The following CLIP2 variants were observed in gnomAD, a reference collection of about 807,000 sequenced individuals.
The protein encoded by CLIP2 is CAP-Gly domain-containing linker protein 2.
Under a neutral mutation model 111.7 loss-of-function variants are expected in CLIP2, and 41 were observed. The ratio of observed to expected loss-of-function variants is 0.37; its 90% CI spans 0.29 to 0.48. The LOEUF (loss-of-function observed/expected upper bound fraction) is 0.48. CLIP2 is among the 20% of genes least tolerant of loss of function. The pLI is 0.99. For missense variants in CLIP2, 1,160 were observed against 1,422.1 expected, an observed-to-expected ratio of 0.82 and a Z score of 2.96; for synonymous variants, 660 against 644.2, an observed-to-expected ratio of 1.02 and a Z score of -0.37.
rs142179975 is a variant in CLIP2 at position 74,336,472 on chromosome 7, A to G, written c.122-1976A>G. 6.2e-3 allele frequency among the ~76,000 whole-genome samples: 948 copies of G among 152,132 alleles called. 10 individuals carry two copies. The highest frequency in any genetic ancestry group is 0.022 in the African/African-American group (907 of 41,528). On this transcript the variant is annotated intron_variant, in intron 2 of 16. Coordinates refer to ENST00000223398, the MANE Select transcript of CLIP2 (RefSeq NM_003388.5). The stretch of plus-strand genomic sequence containing the variant: ...GTAGAAGGCAAAAGGCACGTCTTAC[A>G]TGGCGGCAGACAAGAGAGAATGAGA...
rs368911321 is a variant in CLIP2 at position 74,338,724 on chromosome 7, C to T, written c.398C>T (p.Pro133Leu). ...AVGGVRYFEC[P>L]ALQGIFTRPS... is the part of the protein sequence containing the mutation. ...GGCGGCGTGCGCTACTTCGAGTGCCCGGCCCTCCAGGGTATCTTCACGCGG... is the reference window on the plus strand; with the variant it reads ...GGCGGCGTGCGCTACTTCGAGTGCCTGGCCCTCCAGGGTATCTTCACGCGG... Residue 133 changes from proline to leucine, a missense_variant, in exon 3 of 17, where the codon CCG becomes CTG. Pro to Leu is a moderately conservative substitution (Grantham distance 98). Transcript: ENST00000223398. The surrounding 1 kb of genome is among the most constrained non-coding windows in gnomAD (Gnocchi z 4.3). 34 of 1,592,186 alleles carry T rather than the reference C, an allele frequency of 2.1e-5. No individual in the cohort carries two copies. In the African/African-American group the frequency reaches 3.5e-4, roughly 16 times the overall value.
chr7:74,397,698 G>A (rs1428970273), intron 14 of CLIP2, among the ~76,000 whole-genome samples: 11 of 127,212 alleles, frequency 8.6e-5, no homozygotes, highest in African/African-American at 1.2e-4. Flanking sequence ...ACAGAGTCTC[G>A]CTCTGTTGCC....
chr7:74,366,911 A>G (rs998798917), intron 8 of CLIP2, among the ~76,000 whole-genome samples: 32 of 150,166 alleles, frequency 2.1e-4, no homozygotes, highest in African/African-American at 7.1e-4. Context: ...GCCTGAAATC[A>G]AGGTGTTGGA....
intron 3 of CLIP2, among the ~76,000 whole-genome samples, chr7:74,339,238 C>T (rs1270999531): frequency 6.6e-6 from 1 of 152,150 alleles, no homozygotes; most frequent in Non-Finnish European, 1.5e-5. Flanking sequence ...GTGTCCTAAA[C>T]TTTCTGGGCC....
At chr7:74,401,689 G>A in intron 16 of CLIP2, 122 bp downstream of exon 16, 1 of 1,001,974 alleles carries the variant, frequency 1.0e-6, no homozygotes, top group Non-Finnish European at 1.5e-6. Context: ...TTACAGTAGG[G>A]TCCCTCAGGG....
At chr7:74,334,000 C>G (rs552896053) in intron 2 of CLIP2, among the ~76,000 whole-genome samples, 23 of 152,198 alleles carry the variant, frequency 1.5e-4, no homozygotes, top group Non-Finnish European at 3.2e-4. Context: ...CATTGGCTCC[C>G]CTGGGAGGAG....
At chr7:74,323,045 C>T (rs1426933519) in intron 2 of CLIP2, among the ~76,000 whole-genome samples, 8 of 151,566 alleles carry the variant, frequency 5.3e-5, no homozygotes, top group African/African-American at 1.9e-4. Context: ...TCTTTTAAAA[C>T]TTATTTTTAC....
intron 12 of CLIP2, among the ~76,000 whole-genome samples, chr7:74,387,502 T>C (rs1467233020): frequency 1.3e-5 from 2 of 152,130 alleles, no homozygotes; most frequent in Non-Finnish European, 2.9e-5. Context: ...CCACCTGCCT[T>C]GGCCTCCCAA....
chr7:74,347,332 G>A (rs1316537301), intron 3 of CLIP2, among the ~76,000 whole-genome samples: 6 of 152,092 alleles, frequency 3.9e-5, no homozygotes, highest in Non-Finnish European at 5.9e-5. Context: ...GCAGTGGTGC[G>A]ACCTCAGCTC....
At chr7:74,320,411 A>C (rs1788915814) in intron 2 of CLIP2, among the ~76,000 whole-genome samples, 1 of 151,934 alleles carries the variant, frequency 6.6e-6, no homozygotes, top group Admixed American at 6.6e-5. Context: ...GGTTCCAGTT[A>C]CTTGGCAGCC....
intron 4 of CLIP2, among the ~76,000 whole-genome samples, chr7:74,354,269 C>T (rs546142656): frequency 3.3e-5 from 5 of 152,222 alleles, no homozygotes; most frequent in East Asian, 3.9e-4. Context: ...AATCTGTCCC[C>T]GTGTTCTCTT....
intron 3 of CLIP2, among the ~76,000 whole-genome samples, chr7:74,348,837 G>A (rs1789889262): frequency 6.8e-6 from 1 of 147,636 alleles, no homozygotes; most frequent in Non-Finnish European, 1.5e-5. Context: ...ATTCAAAACA[G>A]ATGTTCACAC....
chr7:74,308,511 T>G (rs1038191997), intron 1 of CLIP2, among the ~76,000 whole-genome samples: 1 of 152,164 alleles, frequency 6.6e-6, no homozygotes, highest in East Asian at 1.9e-4. Flanking sequence ...TTTATTTATA[T>G]TTATTTATTT....
intron 1 of CLIP2, among the ~76,000 whole-genome samples, chr7:74,294,276 G>A (rs1554725794): frequency 6.6e-6 from 1 of 152,230 alleles, no homozygotes; most frequent in Non-Finnish European, 1.5e-5. Context: ...CAAGGCTAGG[G>A]CCGTCACAAC....
chr7:74,371,363 C>T (rs1003340572), intron 8 of CLIP2, among the ~76,000 whole-genome samples: 7 of 151,216 alleles, frequency 4.6e-5, no homozygotes, highest in African/African-American at 7.3e-5. Context: ...GCTACCAGTT[C>T]AGTGTGTAGG....
At position 74,317,581 on chromosome 7, in the gene CLIP2, G is replaced by GT; in HGVS notation, c.36dup (p.Gly13TrpfsTer25). On this transcript the variant is annotated frameshift_variant, in exon 2 of 17. Coordinates refer to ENST00000223398, the MANE Select transcript of CLIP2 (RefSeq NM_003388.5). LOFTEE classifies it high-confidence loss of function. The stretch of plus-strand genomic sequence containing the variant: ...CCCAGCGGCCTGAAGCCCCCCGGCC[G>GT]TGGGGGGAAGCACTCCAGCCCCATG... The GT allele has an allele frequency of 6.7e-7, 1 of 1,494,460 alleles. No individual in the cohort carries two copies. Among genetic ancestry groups the GT allele is most frequent in the African/African-American group, 1.4e-5 (1 of 69,988 alleles). The allele number at this position is 1,494,460 out of a possible 1,614,324, so 92.6% of individuals were successfully genotyped here.
intron 8 of CLIP2, among the ~76,000 whole-genome samples, chr7:74,367,913 C>G (rs1309158048): frequency 6.6e-6 from 1 of 151,874 alleles, no homozygotes; most frequent in East Asian, 1.9e-4. Context: ...CGTGTTTCTA[C>G]AAAAATATTT....
Position 74,351,790 on chromosome 7 carries a change from C to T in CLIP2, c.679-2090C>T, listed in dbSNP as rs1020266189. On this transcript the variant is annotated intron_variant, in intron 3 of 16. Transcript: ENST00000223398. ...GGCGGAGGTTTCAGTGAGCGGAGAT[C>T]GCGTCATTGCACTCCAGCCTGGGCG... Among the ~76,000 whole-genome samples, 5 of 152,114 alleles carry T rather than the reference C, an allele frequency of 3.3e-5. No individual in the cohort carries two copies. The East Asian group carries it at 7.7e-4, about 23-fold the overall frequency.
chr7:74,339,231 T>C (rs1789581232), intron 3 of CLIP2, among the ~76,000 whole-genome samples: 1 of 152,174 alleles, frequency 6.6e-6, no homozygotes, highest in South Asian at 2.1e-4. Flanking sequence ...TGGGCAAGTG[T>C]CCTAAACTTT....
Sources: gnomAD v4.1 joint callset for allele counts (sites outside exome capture counted in the v4.1 genomes callset) on GRCh38, gnomAD v4.1.1 for gene constraint, Gnocchi (gnomAD v3.1) non-coding constraint, MANE v1.5 for transcripts, NCBI Gene and HGNC (gene_info 2026-07-23, HGNC 2026-07-21) for gene names.